BTBD9: variants seen among roughly 807,000 people sequenced by gnomAD.
The protein encoded by BTBD9 is BTB/POZ domain-containing protein 9.
In BTBD9, 49 loss-of-function variants were observed where a neutral mutation model predicts 64.3. The observed-to-expected ratio is 0.76, with a 90% confidence interval of 0.61 to 0.97. BTBD9 has a LOEUF of 0.97. Among genes scored for constraint, BTBD9 ranks in the 50% least tolerant of loss-of-function variants. The probability of loss-of-function intolerance (pLI) is 0.00; values close to 1 mark genes in which losing one functional copy is unlikely to be tolerated. For synonymous variants in BTBD9, 260 were observed against 274.7 expected, an observed-to-expected ratio of 0.95 and a Z score of 0.53; for missense variants, 598 against 762.1, an observed-to-expected ratio of 0.78 and a Z score of 2.53.
In BTBD9 at chr6:38,504,174, C is replaced by A. The variant is rs1341766785; in HGVS notation, c.1154+73426G>T. Among the ~76,000 whole-genome samples the A allele has an allele frequency of 2.0e-5, 3 of 152,186 alleles. No individual in the cohort carries two copies. The East Asian group carries it at 5.8e-4, about 29-fold the overall frequency. On this transcript the variant is annotated intron_variant, in intron 6 of 10. Coordinates refer to ENST00000481247, the MANE Select transcript of BTBD9 (RefSeq NM_001099272.2). Reference sequence around the variant, plus strand: ...TTCAGCCCTAGATGATCTCAAGTATCCATCTTCTCTGGGCACAAACCCAAG... The same window carrying A: ...TTCAGCCCTAGATGATCTCAAGTATACATCTTCTCTGGGCACAAACCCAAG...
At chr6:38,339,612 A>G (rs894186980) in intron 7 of BTBD9, among the ~76,000 whole-genome samples, 2 of 152,232 alleles carry the variant, frequency 1.3e-5, no homozygotes, top group Non-Finnish European at 2.9e-5. Flanking sequence ...ATATTTTCCC[A>G]CTTTTAAATG....
intron 9 of BTBD9, among the ~76,000 whole-genome samples, chr6:38,205,611 T>C (rs936352149): frequency 2.0e-5 from 3 of 152,044 alleles, no homozygotes; most frequent in Non-Finnish European, 2.9e-5. Context: ...AGAAAATGTG[T>C]TCCACCAAAA....
intron 2 of BTBD9, among the ~76,000 whole-genome samples, chr6:38,595,348 T>A (rs1776988639): frequency 6.6e-6 from 1 of 152,222 alleles, no homozygotes; most frequent in Non-Finnish European, 1.5e-5. Context: ...ACAGTGATTT[T>A]TTATTTTTTT....
chr6:38,312,525 T>C (rs1743452977), intron 7 of BTBD9, among the ~76,000 whole-genome samples: 1 of 152,224 alleles, frequency 6.6e-6, no homozygotes, highest in Non-Finnish European at 1.5e-5. Flanking sequence ...TTTTACTAGC[T>C]TTGTAGTTTG....
chr6:38,325,489 TC>T, intron 7 of BTBD9, among the ~76,000 whole-genome samples: 1 of 152,106 alleles, frequency 6.6e-6, no homozygotes, highest in Non-Finnish European at 1.5e-5. Context: ...ATTGAGACCA[TC>T]CTGGCTAACA....
intron 2 of BTBD9, among the ~76,000 whole-genome samples, chr6:38,596,376 T>G (rs140167185): frequency 1.1e-4 from 17 of 152,108 alleles, no homozygotes; most frequent in African/African-American, 3.4e-4. Flanking sequence ...AGTATTTGAG[T>G]TTTTTTTAAG....
At chr6:38,258,216 C>T (rs1183916971) in intron 8 of BTBD9, among the ~76,000 whole-genome samples, 2 of 151,940 alleles carry the variant, frequency 1.3e-5, no homozygotes, top group African/African-American at 4.8e-5. Context: ...GAACTCCTGA[C>T]CTCAGGTGAT....
At chr6:38,491,010 G>A (rs186446613) in intron 6 of BTBD9, among the ~76,000 whole-genome samples, 36 of 152,318 alleles carry the variant, frequency 2.4e-4, no homozygotes, top group African/African-American at 7.2e-4. Context: ...AGATCCAAAA[G>A]GGATGTGGAT....
chr6:38,401,310 T>C (rs1222906276), intron 6 of BTBD9, among the ~76,000 whole-genome samples: 3 of 152,236 alleles, frequency 2.0e-5, no homozygotes, highest in Non-Finnish European at 4.4e-5. Context: ...CCTCTTTGCC[T>C]TCTGCCATAA....
intron 1 of BTBD9, among the ~76,000 whole-genome samples, chr6:38,615,805 G>GT (rs1196285322): frequency 3.9e-5 from 6 of 152,202 alleles, no homozygotes; most frequent in Non-Finnish European, 5.9e-5. Flanking sequence ...CAATACCTGT[G>GT]TGAATGCTTA....
chr6:38,358,787 C>T lies in BTBD9; in HGVS notation c.1155-13694G>A, dbSNP rs185824226. ...TTGTGACCTTTTTTTTTTTTTGAGA[C>T]GGAGTCTCGCTCTGTCGCCCAGGCC... is the stretch of plus-strand genomic sequence containing the variant. On this transcript the variant is annotated intron_variant, in intron 6 of 10. Coordinates refer to ENST00000481247, the MANE Select transcript of BTBD9 (RefSeq NM_001099272.2). Among the ~76,000 whole-genome samples the T allele has an allele frequency of 1.6e-3, 226 of 144,268 alleles. 4 individuals carry two copies. In the East Asian group the frequency reaches 0.018, roughly 11 times the overall value. 94.6% of individuals were successfully genotyped at this position (144,268 alleles called of 152,430 possible).
At chr6:38,564,653 C>T (rs569279231) in intron 6 of BTBD9, among the ~76,000 whole-genome samples, 1 of 152,056 alleles carries the variant, frequency 6.6e-6, no homozygotes, top group Non-Finnish European at 1.5e-5. Context: ...CTTTGGGAGG[C>T]CAAGGTGGGC....
intron 7 of BTBD9, among the ~76,000 whole-genome samples, chr6:38,331,269 C>T (rs551759978): frequency 6.6e-6 from 1 of 152,086 alleles, no homozygotes; most frequent in Admixed American, 6.5e-5. Flanking sequence ...TGCTTGAGGC[C>T]AGGTGTTTGA....
intron 6 of BTBD9, among the ~76,000 whole-genome samples, chr6:38,449,532 T>C (rs866743094): frequency 6.7e-6 from 1 of 149,752 alleles, no homozygotes; most frequent in African/African-American, 2.5e-5. Flanking sequence ...GGCAGTCTCT[T>C]AAAAAAAAAA....
chr6:38,598,458 C>A (rs1777132672), intron 1 of BTBD9, among the ~76,000 whole-genome samples: 1 of 152,186 alleles, frequency 6.6e-6, no homozygotes, highest in Non-Finnish European at 1.5e-5. Context: ...ATCAGAATAA[C>A]TTCTCTTTTA....
At chr6:38,259,901 T>C (rs896733010) in intron 8 of BTBD9, among the ~76,000 whole-genome samples, 3 of 152,228 alleles carry the variant, frequency 2.0e-5, no homozygotes, top group Non-Finnish European at 4.4e-5. Context: ...GATTCCACTC[T>C]GTTGTTCTTA....
At chr6:38,573,085 G>A (rs1453551037) in intron 6 of BTBD9, among the ~76,000 whole-genome samples, 2 of 151,848 alleles carry the variant, frequency 1.3e-5, no homozygotes, top group Admixed American at 6.6e-5. Flanking sequence ...GACAAAAACA[G>A]GCTTTTCATA....
At chr6:38,480,586 T>C (rs1462873236) in intron 6 of BTBD9, among the ~76,000 whole-genome samples, 1 of 152,160 alleles carries the variant, frequency 6.6e-6, no homozygotes, top group Non-Finnish European at 1.5e-5. Context: ...ACTACCTCCA[T>C]GCAAAGTAGT....
intron 9 of BTBD9, among the ~76,000 whole-genome samples, chr6:38,212,773 G>A (rs901577938): frequency 6.6e-6 from 1 of 151,544 alleles, no homozygotes; most frequent in Non-Finnish European, 1.5e-5. Context: ...GAGGGCAGGT[G>A]AGCTCTGAAA....
Sources: allele counts gnomAD v4.1 joint callset (sites outside exome capture counted in the v4.1 genomes callset), GRCh38; gene constraint gnomAD v4.1.1; transcripts MANE v1.5; gene names NCBI Gene and HGNC (gene_info 2026-07-23, HGNC 2026-07-21).